The following CDH20 variants were observed in gnomAD, a reference collection of about 807,000 sequenced individuals.
CDH20 encodes the protein cadherin-20.
A neutral mutation model predicts 74.2 loss-of-function variants in CDH20; 29 were observed. That is an observed-to-expected ratio of 0.39 (90% CI 0.29 to 0.53). CDH20 has a LOEUF of 0.53. CDH20 is among the 20% of genes least tolerant of loss of function. The pLI, the probability that CDH20 is intolerant of heterozygous loss-of-function variation, is 0.69. For synonymous variants in CDH20, 469 were observed against 405.4 expected (o/e 1.16, Z -1.88); for missense variants, 988 against 1,048.3 (o/e 0.94, Z 0.79).
intron 5 of CDH20, 26 bp from the exon 6 acceptor site, chr18:61,507,347 A>G: frequency 6.2e-7 from 1 of 1,600,792 alleles, no homozygotes; most frequent in South Asian, 1.1e-5. Context: ...ATTATCAAGA[A>G]TGCGTGTCCT....
chr18:61,432,210 C>A (rs1297861079), intron 1 of CDH20, among the ~76,000 whole-genome samples: 1 of 148,234 alleles, frequency 6.7e-6, no homozygotes. Flanking sequence ...TGCCATTGCA[C>A]TCCAGCCTGG....
intron 10 of CDH20, among the ~76,000 whole-genome samples, chr18:61,546,709 G>T (rs1913263760): frequency 1.3e-5 from 2 of 152,094 alleles, no homozygotes; most frequent in South Asian, 4.1e-4. Flanking sequence ...GAGGACTTTG[G>T]GCACCAATTT....
chr18:61,391,087 T>C (rs887078747), intron 1 of CDH20, among the ~76,000 whole-genome samples: 1 of 152,206 alleles, frequency 6.6e-6, no homozygotes, highest in Non-Finnish European at 1.5e-5. Flanking sequence ...TTTTGCTATG[T>C]ACATATGACA....
Position 61,539,039 on chromosome 18 carries a change from T to C in CDH20, c.1424T>C (p.Val475Ala), listed in dbSNP as rs1453066217. 11 of 1,614,078 alleles carry C rather than the reference T, an allele frequency of 6.8e-6. No homozygotes were observed. The highest frequency in any genetic ancestry group is 9.3e-6 in the Non-Finnish European group (11 of 1,179,996). ...LAMEMNNPSQ[V>A]GSVPVTIKVL... Reference sequence around the variant, plus strand: ...TTCCCTTTAGACAATCCCTCCCAGGTTGGAAGTGTTCCTGTCACAATCAAA... The same window carrying C: ...TTCCCTTTAGACAATCCCTCCCAGGCTGGAAGTGTTCCTGTCACAATCAAA... The change falls in exon 9 of 12, where the codon GTT becomes GCT. Residue 475 changes from valine (V) to alanine (A), a missense_variant. Physicochemically the swap from Val to Ala is moderately conservative, Grantham distance 64. Coordinates refer to ENST00000262717, the MANE Select transcript of CDH20 (RefSeq NM_031891.4).
intron 6 of CDH20, among the ~76,000 whole-genome samples, chr18:61,511,740 C>A (rs1911791041): frequency 6.6e-6 from 1 of 152,190 alleles, no homozygotes; most frequent in African/African-American, 2.4e-5. Flanking sequence ...TTCTTCAGCT[C>A]CCTTACCTGC....
At chr18:61,438,419 C>T (rs1340185499) in intron 1 of CDH20, among the ~76,000 whole-genome samples, 1 of 152,092 alleles carries the variant, frequency 6.6e-6, no homozygotes, top group Admixed American at 6.6e-5. Flanking sequence ...GGTGCTCTGA[C>T]ACTTTTGATA....
intron 1 of CDH20, among the ~76,000 whole-genome samples, chr18:61,475,881 A>C (rs1486915663): frequency 2.6e-5 from 4 of 152,154 alleles, no homozygotes; most frequent in Non-Finnish European, 2.9e-5. Context: ...GTCTGACTAA[A>C]CTTGTTCTGT....
chr18:61,482,441 A>C (rs1300688370), intron 1 of CDH20, among the ~76,000 whole-genome samples: 1 of 152,114 alleles, frequency 6.6e-6, no homozygotes, highest in Non-Finnish European at 1.5e-5. Flanking sequence ...TTGATGTTTC[A>C]GACGTCTGGC....
intron 1 of CDH20, among the ~76,000 whole-genome samples, chr18:61,458,285 A>G (rs1443172266): frequency 6.6e-6 from 1 of 152,218 alleles, no homozygotes; most frequent in Non-Finnish European, 1.5e-5. Context: ...GAATAGTGGA[A>G]CATTCTAAAA....
At chr18:61,445,871 C>T (rs890496190) in intron 1 of CDH20, among the ~76,000 whole-genome samples, 3 of 152,164 alleles carry the variant, frequency 2.0e-5, no homozygotes, top group African/African-American at 7.2e-5. Flanking sequence ...TGAGGGTCTG[C>T]TTTCCAGATG....
intron 6 of CDH20, among the ~76,000 whole-genome samples, chr18:61,516,851 C>T (rs1912019264): frequency 6.6e-6 from 1 of 151,806 alleles, no homozygotes; most frequent in Admixed American, 6.6e-5. Context: ...GAGTTTGTGT[C>T]AGTACATAAA....
chr18:61,390,658 T>C (rs1046559575), intron 1 of CDH20, among the ~76,000 whole-genome samples: 5 of 151,772 alleles, frequency 3.3e-5, no homozygotes, highest in Non-Finnish European at 5.9e-5. Context: ...GAATACAGAG[T>C]TCAGAATTGA....
chr18:61,511,375 G>A (rs967697461), intron 6 of CDH20, among the ~76,000 whole-genome samples: 10 of 152,080 alleles, frequency 6.6e-5, no homozygotes, highest in African/African-American at 2.4e-4. Context: ...GTAGAGACAA[G>A]GTCACCCTAT....
At chr18:61,471,774 C>T (rs2144382136) in intron 1 of CDH20, among the ~76,000 whole-genome samples, 1 of 152,290 alleles carries the variant, frequency 6.6e-6, no homozygotes, top group Non-Finnish European at 1.5e-5. Flanking sequence ...AAACCCATTC[C>T]TGGCTGTCGG....
chr18:61,408,261 T>A (rs1912394917), intron 1 of CDH20, among the ~76,000 whole-genome samples: 1 of 152,104 alleles, frequency 6.6e-6, no homozygotes, highest in Admixed American at 6.5e-5. Flanking sequence ...ATAGAGAAAA[T>A]TAAGAATCAA....
At chr18:61,488,104 A>G (rs1480292931) in intron 1 of CDH20, among the ~76,000 whole-genome samples, 2 of 151,418 alleles carry the variant, frequency 1.3e-5, no homozygotes, top group Non-Finnish European at 2.9e-5. Flanking sequence ...ATGTACGTAT[A>G]TATGTATGTA....
At chr18:61,536,771 T>C in intron 8 of CDH20, 142 bp downstream of exon 8, 2 of 714,090 alleles carry the variant, frequency 2.8e-6, no homozygotes, top group East Asian at 2.7e-5. Context: ...AGTAAGTAAA[T>C]GCGTTCAGTT....
intron 1 of CDH20, among the ~76,000 whole-genome samples, chr18:61,395,770 T>C (rs1911943779): frequency 2.0e-5 from 3 of 152,192 alleles, no homozygotes; most frequent in Non-Finnish European, 2.9e-5. Context: ...CGCGGTGGCT[T>C]ATGCCTATAA....
intron 1 of CDH20, among the ~76,000 whole-genome samples, chr18:61,350,903 C>T (rs1328015163): frequency 6.6e-6 from 1 of 152,096 alleles, no homozygotes. Flanking sequence ...TGGCCAGAAC[C>T]CTGCCTCAAC....
Sources: allele counts gnomAD v4.1 joint callset (sites outside exome capture counted in the v4.1 genomes callset), GRCh38; gene constraint gnomAD v4.1.1; transcripts MANE v1.5; gene names NCBI Gene and HGNC (gene_info 2026-07-23, HGNC 2026-07-21).